OSMR: variants seen among roughly 807,000 people sequenced by gnomAD.
OSMR encodes oncostatin-M-specific receptor subunit beta.
OSMR carries 81 observed loss-of-function variants against 99.9 expected under a neutral mutation model. The ratio of observed to expected loss-of-function variants is 0.81; its 90% CI spans 0.68 to 0.97. The LOEUF (loss-of-function observed/expected upper bound fraction) is 0.97. Among genes scored for constraint, OSMR ranks in the 50% least tolerant of loss-of-function variants. The pLI is 0.00. For missense variants in OSMR, 1,099 were observed against 1,153.4 expected, an observed-to-expected ratio of 0.95 and a Z score of 0.68; for synonymous variants, 406 against 410.4, an observed-to-expected ratio of 0.99 and a Z score of 0.13.
At chr5:38,862,241 GGGGC>G (rs1741463103) in intron 1 of OSMR, among the ~76,000 whole-genome samples, 1 of 115,752 alleles carries the variant, frequency 8.6e-6, no homozygotes, top group African/African-American at 3.4e-5. Context: ...GGCTGGGCGG[GGGGC>G]TGACCCCCTA....
intron 1 of OSMR, among the ~76,000 whole-genome samples, chr5:38,852,822 T>C (rs1451197843): frequency 7.1e-6 from 1 of 140,600 alleles, no homozygotes; most frequent in Admixed American, 7.8e-5. Flanking sequence ...GCTCCGCCTC[T>C]TGGGTTCATG....
chr5:38,854,282 G>A (rs1024735047), intron 1 of OSMR, among the ~76,000 whole-genome samples: 22 of 152,234 alleles, frequency 1.4e-4, no homozygotes, highest in Admixed American at 1.2e-3. Flanking sequence ...CTCTTATCAC[G>A]CTGCTTCTCA....
chr5:38,938,659 T>C (rs1579832697), downstream of OSMR: 4 of 232,554 alleles, frequency 1.7e-5, no homozygotes, highest in South Asian at 7.2e-4. Context: ...CCCTGGAACT[T>C]GGAACTAAAA....
At chr5:38,864,890 G>A (rs1407197912) in intron 1 of OSMR, among the ~76,000 whole-genome samples, 2 of 152,054 alleles carry the variant, frequency 1.3e-5, no homozygotes, top group Non-Finnish European at 2.9e-5. Context: ...GTCACCTTGT[G>A]GTGTCCCATA....
chr5:38,896,064 T>C (rs1392381836), intron 7 of OSMR, among the ~76,000 whole-genome samples: 2 of 152,150 alleles, frequency 1.3e-5, no homozygotes, highest in African/African-American at 4.8e-5. Context: ...CTCTATAGTA[T>C]AATTTGAAGT....
intron 9 of OSMR, among the ~76,000 whole-genome samples, chr5:38,904,932 A>G (rs1031784888): frequency 6.6e-6 from 1 of 152,172 alleles, no homozygotes; most frequent in Non-Finnish European, 1.5e-5. Context: ...TTTGTGAGTC[A>G]TTTGTTCCGG....
Position 38,932,770 on chromosome 5 carries a change from G to C in OSMR, c.2368-102G>C, listed in dbSNP as rs2112707968. ...ACTTGTGACCAGGAAGAAACATGAA[G>C]AACATTGAAGCTCTAAGTGTATTTC... On this transcript the variant is annotated intron_variant, in intron 17 of 17. Transcript: ENST00000274276. 1.9e-6 allele frequency: 3 copies of C among 1,558,182 alleles called. No individual in the cohort carries two copies. The Admixed American group carries it at 5.7e-5, about 30-fold the overall frequency.
intron 7 of OSMR, among the ~76,000 whole-genome samples, chr5:38,886,836 A>G (rs71588472): frequency 0.16 from 24,164 of 152,134 alleles, 2,431 homozygotes; most frequent in Admixed American, 0.24. Context: ...CACATCTACA[A>G]TTGTTTTTCT....
intron 2 of OSMR, among the ~76,000 whole-genome samples, chr5:38,872,458 A>G (rs1019561380): frequency 2.0e-5 from 3 of 152,198 alleles, no homozygotes; most frequent in Non-Finnish European, 4.4e-5. Context: ...CTCACAGTCT[A>G]CAGGGAGACA....
At chr5:38,928,624 C>A (rs1032455209) in intron 15 of OSMR, among the ~76,000 whole-genome samples, 2 of 152,054 alleles carry the variant, frequency 1.3e-5, no homozygotes, top group African/African-American at 4.8e-5. Context: ...CCCACCAGGT[C>A]CCTCCCATGA....
At chr5:38,859,014 T>A (rs1741076615) in intron 1 of OSMR, among the ~76,000 whole-genome samples, 2 of 152,234 alleles carry the variant, frequency 1.3e-5, no homozygotes, top group Admixed American at 1.3e-4. Context: ...CCTAGTCAGA[T>A]GAATGGTTTG....
rs1742171258 is a variant in OSMR at position 38,869,065 on chromosome 5, T to C, written c.21T>C (p.Phe7=). The C allele has an allele frequency of 1.9e-6, 3 of 1,613,940 alleles. No homozygotes were observed. In the East Asian group the frequency reaches 6.7e-5, roughly 36 times the overall value. The change falls in exon 2 of 18, where the codon TTT becomes TTC. Residue 7 remains phenylalanine (F), a synonymous_variant. Coordinates refer to ENST00000274276, the MANE Select transcript of OSMR (RefSeq NM_003999.3). ...AACTGATGGCTCTATTTGCAGTCTT[T>C]CAGACAACATTCTTCTTAACATTGC... MALFAV[F]QTTFFLTLLS...
chr5:38,919,611 A>G (rs1289240604), intron 11 of OSMR: 1 of 297,726 alleles, frequency 3.4e-6, no homozygotes, highest in African/African-American at 2.2e-5. Flanking sequence ...TGCCAAATCA[A>G]TAGTGATATT....
chr5:38,930,396 T>C (rs1233628679), intron 15 of OSMR, among the ~76,000 whole-genome samples: 1 of 152,176 alleles, frequency 6.6e-6, no homozygotes, highest in Non-Finnish European at 1.5e-5. Context: ...AGGGCCACTT[T>C]TCTTTACAAA....
At chr5:38,936,823 A>T (rs1747067853), downstream of OSMR, among the ~76,000 whole-genome samples, 7 of 152,244 alleles carry the variant, frequency 4.6e-5, no homozygotes, top group Admixed American at 4.6e-4. Context: ...TTCAATTTGA[A>T]AGCATAGTTG....
At position 38,886,246 on chromosome 5, in the gene OSMR, G is replaced by C. The variant is rs775884836; in HGVS notation, c.991+56G>C. On this transcript the variant is annotated intron_variant, in intron 7 of 17. Transcript: ENST00000274276. ...GCCACTAACGTGTCTTTGTTTCACA[G>C]ACTGTGTGATCAAGTAAATGTGCTG... The C allele has an allele frequency of 1.9e-6, 3 of 1,613,246 alleles. No homozygotes were observed. The Admixed American group carries it at 5.0e-5, about 27-fold the overall frequency.
chr5:38,861,922 G>A (rs1445974144), intron 1 of OSMR, among the ~76,000 whole-genome samples: 3 of 128,568 alleles, frequency 2.3e-5, no homozygotes, highest in African/African-American at 5.7e-5. Flanking sequence ...CGGGCGGGGG[G>A]CTGACCCCCC....
intron 7 of OSMR, among the ~76,000 whole-genome samples, chr5:38,895,262 T>A (rs368620227): frequency 6.6e-6 from 1 of 152,002 alleles, no homozygotes; most frequent in Non-Finnish European, 1.5e-5. Context: ...CAGAACTGAA[T>A]GAAATTGAGA....
At chr5:38,937,692 A>G (rs537645633), downstream of OSMR, among the ~76,000 whole-genome samples, 1 of 152,300 alleles carries the variant, frequency 6.6e-6, no homozygotes, top group African/African-American at 2.4e-5. This position sits in a 1 kb window ranked among gnomAD's most constrained non-coding sequence, Gnocchi z 4.0. Context: ...AGACTGACCC[A>G]TTTTCCAAAT....
Sources: gnomAD v4.1 joint callset for allele counts (sites outside exome capture counted in the v4.1 genomes callset) on GRCh38, gnomAD v4.1.1 for gene constraint, Gnocchi (gnomAD v3.1) non-coding constraint, MANE v1.5 for transcripts, NCBI Gene and HGNC (gene_info 2026-07-23, HGNC 2026-07-21) for gene names.